DENND4C: variants seen among roughly 807,000 people sequenced by gnomAD.
DENND4C encodes DENN domain-containing protein 4C.
A neutral mutation model predicts 203.0 loss-of-function variants in DENND4C; 108 were observed. The observed-to-expected ratio is 0.53, with a 90% confidence interval of 0.46 to 0.62. DENND4C has a LOEUF of 0.62. DENND4C is among the 20% of genes least tolerant of loss of function. The pLI, the probability that DENND4C is intolerant of heterozygous loss-of-function variation, is 0.00. For missense variants in DENND4C, 2,481 were observed against 2,301.2 expected, an observed-to-expected ratio of 1.08 and a Z score of -1.60; for synonymous variants, 871 against 792.4, an observed-to-expected ratio of 1.10 and a Z score of -1.67.
At chr9:19,312,417 G>GA (rs981658392) in intron 10 of DENND4C, among the ~76,000 whole-genome samples, 23 of 152,056 alleles carry the variant, frequency 1.5e-4, no homozygotes, top group African/African-American at 5.5e-4. Context: ...ATTATTAAAT[G>GA]AAAAAAATCA....
chr9:19,261,500 A>G (rs538525516), intron 1 of DENND4C, among the ~76,000 whole-genome samples: 1 of 150,362 alleles, frequency 6.7e-6, no homozygotes, highest in South Asian at 2.1e-4. Flanking sequence ...TGGACATGGA[A>G]TATCTTTTTC....
Position 19,352,063 on chromosome 9 carries a change from T to C in DENND4C, c.4496-10T>C, listed in dbSNP as rs759256690. 9 of 1,602,624 alleles carry C rather than the reference T, an allele frequency of 5.6e-6. No individual in the cohort carries two copies. The South Asian group carries it at 9.9e-5, about 18-fold the overall frequency. On this transcript the variant is annotated splice_polypyrimidine_tract_variant and intron_variant, in intron 24 of 32. Coordinates refer to ENST00000434457, the MANE Select transcript of DENND4C (RefSeq NM_001330640.2). ...TTACTTAAGGTATTACGATGTATATTCCTTTGTAGGTGAAGTTCCATTTCC... is the reference window on the plus strand; with the variant it reads ...TTACTTAAGGTATTACGATGTATATCCCTTTGTAGGTGAAGTTCCATTTCC...
chr9:19,326,171 A>G lies in DENND4C; in HGVS notation c.2097A>G (p.Gly699=). Residue 699 remains glycine, a synonymous_variant, in exon 15 of 33, where the codon GGA becomes GGG. Transcript: ENST00000434457. ...CGCCAGAGCCACCTCCTGATGATGG[A>G]AAGGACCTGTCACCAAAGTACAGGT... is the stretch of plus-strand genomic sequence containing the variant. The part of the protein sequence containing the change: ...IMPPEPPPDD[G]KDLSPKYSYK... The G allele has an allele frequency of 6.2e-7, 1 of 1,612,712 alleles. No individual in the cohort carries two copies. The highest frequency in any genetic ancestry group is 1.7e-5 in the Admixed American group (1 of 59,736).
chr9:19,242,022 A>T (rs954722962), intron 1 of DENND4C, among the ~76,000 whole-genome samples: 2 of 152,046 alleles, frequency 1.3e-5, no homozygotes, highest in African/African-American at 4.8e-5. Context: ...TCCACCGTTA[A>T]ATTATTGTGA....
At chr9:19,356,328 A>T (rs1340853135) in intron 26 of DENND4C, among the ~76,000 whole-genome samples, 12 of 152,184 alleles carry the variant, frequency 7.9e-5, no homozygotes, top group Non-Finnish European at 1.6e-4. Flanking sequence ...AGCAAAATGT[A>T]CAAATCTTAA....
At chr9:19,251,922 T>G (rs1413614954) in intron 1 of DENND4C, among the ~76,000 whole-genome samples, 2 of 152,126 alleles carry the variant, frequency 1.3e-5, no homozygotes, top group Non-Finnish European at 2.9e-5. Context: ...CACATTTTCC[T>G]CTCTCCTTCT....
intron 4 of DENND4C, among the ~76,000 whole-genome samples, chr9:19,289,209 C>A (rs1041374871): frequency 6.6e-6 from 1 of 152,178 alleles, no homozygotes; most frequent in African/African-American, 2.4e-5. Flanking sequence ...TCTTACTGCA[C>A]ATTAAAGTGT....
Position 19,358,164 on chromosome 9 carries a change from T to C in DENND4C, c.5160+4T>C. The C allele has an allele frequency of 6.2e-7, 1 of 1,610,396 alleles. No homozygotes were observed. Among genetic ancestry groups the C allele is most frequent in the Non-Finnish European group, 8.5e-7 (1 of 1,177,176 alleles). ...AAATAGTCTGCAGGAAGTTGTGGTA[T>C]GTAACAACAACAACATTGTAATTAT... On this transcript the variant is annotated splice_donor_region_variant and intron_variant, in intron 28 of 32. Coordinates refer to ENST00000434457, the MANE Select transcript of DENND4C (RefSeq NM_001330640.2). This position sits in a 1 kb window ranked among gnomAD's most constrained non-coding sequence, Gnocchi z 4.8.
chr9:19,366,241 G>A (rs1487886967), intron 30 of DENND4C, among the ~76,000 whole-genome samples: 1 of 152,212 alleles, frequency 6.6e-6, no homozygotes. Context: ...GAATATAGCT[G>A]AAGTTCCAGA....
intron 9 of DENND4C, among the ~76,000 whole-genome samples, chr9:19,304,371 A>G (rs1839222722): frequency 6.6e-6 from 1 of 150,950 alleles, no homozygotes; most frequent in Admixed American, 6.6e-5. Flanking sequence ...TTCAGTAGAA[A>G]CATGGTTTGT....
chr9:19,307,543 A>T, intron 10 of DENND4C, among the ~76,000 whole-genome samples: 1 of 151,780 alleles, frequency 6.6e-6, no homozygotes, highest in East Asian at 1.9e-4. Flanking sequence ...GCCGAGGCAG[A>T]TGGATCACCT....
chr9:19,272,114 T>C (rs917814666), intron 1 of DENND4C, among the ~76,000 whole-genome samples: 3 of 151,798 alleles, frequency 2.0e-5, no homozygotes, highest in African/African-American at 7.3e-5. Flanking sequence ...ATTTTTTTTT[T>C]CTTTTTAAAT....
intron 9 of DENND4C, among the ~76,000 whole-genome samples, chr9:19,301,709 C>G (rs561884001): frequency 6.6e-6 from 1 of 152,188 alleles, no homozygotes; most frequent in Admixed American, 6.5e-5. Context: ...GAGGCCAAGG[C>G]AGGCAGATCA....
At chr9:19,235,002 C>G (rs1179898470) in intron 1 of DENND4C, among the ~76,000 whole-genome samples, 2 of 150,288 alleles carry the variant, frequency 1.3e-5, no homozygotes, top group African/African-American at 4.9e-5. Context: ...GCTCTTGTCA[C>G]CGAGGCTGGA....
intron 20 of DENND4C, among the ~76,000 whole-genome samples, chr9:19,337,916 G>C (rs955006467): frequency 6.6e-6 from 1 of 152,032 alleles, no homozygotes; most frequent in Non-Finnish European, 1.5e-5. Flanking sequence ...TTCTTATTTT[G>C]AGGTTGGTTT....
chr9:19,244,053 T>C (rs1403863703), intron 1 of DENND4C, among the ~76,000 whole-genome samples: 2 of 152,042 alleles, frequency 1.3e-5, no homozygotes, highest in Non-Finnish European at 2.9e-5. Context: ...TTTTTTGAGA[T>C]GGAGTCTTAC....
rs181291082 is a variant in DENND4C, at chr9:19,237,533, G to A, written c.-18+6700G>A. Among the ~76,000 whole-genome samples the A allele has an allele frequency of 3.0e-4, 46 of 152,040 alleles. No homozygotes were observed. In the East Asian group the frequency reaches 8.2e-3, roughly 27 times the overall value. Reference sequence around the variant, plus strand: ...CGCCTGGCTAATTTTGTGTGTGTGTGTTTTTAGTAGAGACAGGGTTTCAAT... The same window carrying A: ...CGCCTGGCTAATTTTGTGTGTGTGTATTTTTAGTAGAGACAGGGTTTCAAT... On this transcript the variant is annotated intron_variant, in intron 1 of 32. Coordinates refer to ENST00000434457, the MANE Select transcript of DENND4C (RefSeq NM_001330640.2).
At chr9:19,239,745 C>G (rs1178888835) in intron 1 of DENND4C, among the ~76,000 whole-genome samples, 1 of 152,122 alleles carries the variant, frequency 6.6e-6, no homozygotes, top group Non-Finnish European at 1.5e-5. Flanking sequence ...CTTGGCCTCC[C>G]AAAGTACTGT....
intron 1 of DENND4C, among the ~76,000 whole-genome samples, chr9:19,257,681 C>T (rs1392558783): frequency 6.6e-6 from 1 of 152,136 alleles, no homozygotes; most frequent in Non-Finnish European, 1.5e-5. Context: ...ATACAAATTA[C>T]TGATATCAGA....
Sources: allele counts gnomAD v4.1 joint callset (sites outside exome capture counted in the v4.1 genomes callset), GRCh38; gene constraint gnomAD v4.1.1; non-coding constraint Gnocchi (gnomAD v3.1); transcripts MANE v1.5; gene names NCBI Gene and HGNC (gene_info 2026-07-23, HGNC 2026-07-21).